PIWIL3: variants seen among roughly 807,000 people sequenced by gnomAD.
The protein encoded by PIWIL3 is piwi like RNA-mediated gene silencing 3.
PIWIL3 carries 101 observed loss-of-function variants against 109.7 expected under a neutral mutation model. That is an observed-to-expected ratio of 0.92 (90% CI 0.78 to 1.09). The LOEUF (loss-of-function observed/expected upper bound fraction) is 1.09, where lower values mean the gene tolerates loss of function less well. PIWIL3 is among the 50% of genes least tolerant of loss of function. The pLI is 0.00. For missense variants in PIWIL3, 1,031 were observed against 1,072.6 expected, an observed-to-expected ratio of 0.96 and a Z score of 0.54; for synonymous variants, 373 against 376.4, an observed-to-expected ratio of 0.99 and a Z score of 0.10.
intron 1 of PIWIL3, among the ~76,000 whole-genome samples, chr22:24,762,931 T>G (rs1925526882): frequency 6.6e-6 from 1 of 151,986 alleles, no homozygotes; most frequent in Non-Finnish European, 1.5e-5. Context: ...TGCTGCCACA[T>G]TGGGGATCAA....
intron 6 of PIWIL3, 47 bp downstream of exon 6, chr22:24,755,737 T>G: frequency 6.2e-7 from 1 of 1,610,020 alleles, no homozygotes; most frequent in Non-Finnish European, 8.5e-7. Flanking sequence ...CACTACACAG[T>G]AAAACAACCG....
At position 24,748,894 on chromosome 22, in the gene PIWIL3, G is replaced by C; in HGVS notation, c.1449+13C>G. 1 of 1,586,924 alleles carries C rather than the reference G, an allele frequency of 6.3e-7. No individual in the cohort carries two copies. Among genetic ancestry groups the C allele is most frequent in the Non-Finnish European group, 8.6e-7 (1 of 1,163,778 alleles). On this transcript the variant is annotated intron_variant, in intron 12 of 20. Coordinates refer to ENST00000616349, the MANE Select transcript of PIWIL3 (RefSeq NM_001255975.1). Reference sequence around the variant, plus strand: ...GACCCCACCATGACATGATGATTTTGAAACTGTCTTACCATTCTTCTGCCT... The same window carrying C: ...GACCCCACCATGACATGATGATTTTCAAACTGTCTTACCATTCTTCTGCCT...
chr22:24,768,265 T>TC (rs996118447), intron 1 of PIWIL3, among the ~76,000 whole-genome samples: 2 of 151,942 alleles, frequency 1.3e-5, no homozygotes, highest in African/African-American at 4.8e-5. Context: ...GTTTTTTTTT[T>TC]CTTGAGATGG....
chr22:24,758,169 G>A, intron 3 of PIWIL3, 130 bp from the exon 4 acceptor site: 1 of 1,122,210 alleles, frequency 8.9e-7, no homozygotes, highest in East Asian at 2.5e-5. Flanking sequence ...ACATTTCCGT[G>A]ATATGTTGCC....
chr22:24,764,161 G>C (rs1925640979), intron 1 of PIWIL3, among the ~76,000 whole-genome samples: 1 of 152,222 alleles, frequency 6.6e-6, no homozygotes, highest in Non-Finnish European at 1.5e-5. Flanking sequence ...TTCAACCCTG[G>C]GGTCCCGGCC....
intron 1 of PIWIL3, among the ~76,000 whole-genome samples, chr22:24,772,494 A>T (rs1214976923): frequency 6.6e-6 from 1 of 152,150 alleles, no homozygotes; most frequent in East Asian, 1.9e-4. Flanking sequence ...TTGAAAACTT[A>T]TGTCACAGGG....
intron 12 of PIWIL3, among the ~76,000 whole-genome samples, chr22:24,740,229 AAAAAAT>A (rs1923915403): frequency 2.0e-5 from 3 of 150,434 alleles, no homozygotes; most frequent in Non-Finnish European, 3.0e-5. Context: ...AAAAAAAAAA[AAAAAAT>A]TTCTAAAAGC....
intron 8 of PIWIL3, among the ~76,000 whole-genome samples, chr22:24,751,998 T>C (rs1179939713): frequency 6.6e-6 from 1 of 152,246 alleles, no homozygotes; most frequent in Non-Finnish European, 1.5e-5. Flanking sequence ...ATTATGGTTG[T>C]ATATACTTTT....
intron 6 of PIWIL3, 136 bp from the exon 7 acceptor site, chr22:24,755,000 T>C: frequency 1.5e-6 from 1 of 669,908 alleles, no homozygotes; most frequent in East Asian, 2.7e-5. Context: ...TTAACTAAGT[T>C]ACATGATGAG....
At chr22:24,754,322 T>G (rs754422048) in intron 7 of PIWIL3, 105 bp from the exon 8 acceptor site, 17 of 841,098 alleles carry the variant, frequency 2.0e-5, no homozygotes, top group Non-Finnish European at 2.9e-5. Flanking sequence ...GAGTCAGTTT[T>G]AAGTATTTAT....
At chr22:24,727,250 C>A (rs200549462) in intron 16 of PIWIL3, among the ~76,000 whole-genome samples, 1 of 152,216 alleles carries the variant, frequency 6.6e-6, no homozygotes, top group East Asian at 1.9e-4. Flanking sequence ...CAGAATACCA[C>A]CCCTGTGATT....
At chr22:24,745,717 G>GAAAAAAAAAAAAAAAAAAAAAAAATA in intron 12 of PIWIL3, among the ~76,000 whole-genome samples, 1 of 80,252 alleles carries the variant, frequency 1.2e-5, no homozygotes, top group Non-Finnish European at 2.5e-5. Context: ...GTCAGACTAA[G>GAAAAAAAAAAAAAAAAAAAAAAAATA]AAAAAAAAAA....
chr22:24,728,515 G>T (rs368421414), intron 14 of PIWIL3, 141 bp from the exon 15 acceptor site: 1 of 862,708 alleles, frequency 1.2e-6, no homozygotes. Flanking sequence ...GCCCAAGAGG[G>T]CGAAGGGTCT....
chr22:24,729,933 CTTTTT>C (rs77524370), intron 14 of PIWIL3, among the ~76,000 whole-genome samples: 1 of 125,904 alleles, frequency 7.9e-6, no homozygotes, highest in Non-Finnish European at 1.7e-5. Flanking sequence ...TCTACTTTTT[CTTTTT>C]TTTTTTTTTT....
rs192210037 is a variant in PIWIL3 at position 24,724,077 on chromosome 22, T to C, written c.2231+810A>G. Among the ~76,000 whole-genome samples, 638 of 152,286 alleles carry C rather than the reference T, an allele frequency of 4.2e-3. 2 individuals carry two copies. Among genetic ancestry groups the C allele is most frequent in the Non-Finnish European group, 7.6e-3 (514 of 68,030 alleles). On this transcript the variant is annotated intron_variant, in intron 18 of 20. Transcript: ENST00000616349. ...CCCTGGAACTTTGTGGTGGAAGCGG[T>C]CTGCTACTGCCAGGTCCAATTCTGC...
intron 1 of PIWIL3, among the ~76,000 whole-genome samples, chr22:24,766,175 C>T (rs983188899): frequency 1.3e-5 from 2 of 152,054 alleles, no homozygotes; most frequent in Admixed American, 6.6e-5. Context: ...TTTGTGGAGA[C>T]GGGGTTTCAC....
chr22:24,726,937 G>A lies in PIWIL3; in HGVS notation c.2009+1013C>T, dbSNP rs142491066. On this transcript the variant is annotated intron_variant, in intron 16 of 20. Coordinates refer to ENST00000616349, the MANE Select transcript of PIWIL3 (RefSeq NM_001255975.1). ...GGACTGCAAACTTAAGACTGCAAAC[G>A]TATTTCAAGGTGCAGTGTGGTTTCT... Among the ~76,000 whole-genome samples, 21 of 152,272 alleles carry A rather than the reference G, an allele frequency of 1.4e-4. No homozygotes were observed. In the South Asian group the frequency reaches 1.5e-3, roughly 11 times the overall value.
Position 24,727,943 on chromosome 22 carries a change from T to C in PIWIL3, c.2009+7A>G, listed in dbSNP as rs368931872. The C allele has an allele frequency of 3.8e-6, 6 of 1,600,002 alleles. No homozygotes were observed. The African/African-American group carries it at 5.4e-5, about 14-fold the overall frequency. On this transcript the variant is annotated splice_region_variant and intron_variant, in intron 16 of 20. Coordinates refer to ENST00000616349, the MANE Select transcript of PIWIL3 (RefSeq NM_001255975.1). ...CTAACTAAACATGTCTACCAGAGCTTACTTACTTTGTTAATTCAGCATTGG... is the reference window on the plus strand; with the variant it reads ...CTAACTAAACATGTCTACCAGAGCTCACTTACTTTGTTAATTCAGCATTGG...
intron 16 of PIWIL3, among the ~76,000 whole-genome samples, chr22:24,727,675 G>A (rs1923077615): frequency 6.6e-6 from 1 of 152,184 alleles, no homozygotes; most frequent in Non-Finnish European, 1.5e-5. Flanking sequence ...CCAGGTGTCT[G>A]ATCAGAAGAA....
Sources: gnomAD v4.1 joint callset for allele counts (sites outside exome capture counted in the v4.1 genomes callset) on GRCh38, gnomAD v4.1.1 for gene constraint, MANE v1.5 for transcripts, NCBI Gene and HGNC (gene_info 2026-07-23, HGNC 2026-07-21) for gene names.